UBR3: variants seen among roughly 807,000 people sequenced by gnomAD.
UBR3 encodes ubiquitin protein ligase E3 component n-recognin 3.
UBR3 carries 85 observed loss-of-function variants against 243.2 expected under a neutral mutation model. That is an observed-to-expected ratio of 0.35 (90% CI 0.29 to 0.42). The LOEUF (loss-of-function observed/expected upper bound fraction) is 0.42. Among genes scored for constraint, UBR3 ranks in the 10% least tolerant of loss-of-function variants. UBR3 has a pLI of 1.00. For missense variants in UBR3, 1,686 were observed against 2,300.8 expected (o/e 0.73, Z 5.47); for synonymous variants, 748 against 799.8 (o/e 0.94, Z 1.09).
intron 36 of UBR3, among the ~76,000 whole-genome samples, 162 bp downstream of exon 36, chr2:170,073,769 G>A (rs1476532583): frequency 6.6e-6 from 1 of 152,064 alleles, no homozygotes; most frequent in Non-Finnish European, 1.5e-5. Context: ...ATTTATAATG[G>A]AAGAAATATT....
At chr2:169,894,322 GAAAAAAAAAAAAA>G (rs59525862) in intron 6 of UBR3, among the ~76,000 whole-genome samples, 3 of 78,244 alleles carry the variant, frequency 3.8e-5, no homozygotes, top group African/African-American at 1.7e-4. Context: ...TGACTCTTAA[GAAAAAAAAAAAAA>G]AAAAAAAAAA....
At chr2:169,929,032 C>T (rs2086015631) in intron 18 of UBR3, among the ~76,000 whole-genome samples, 164 bp downstream of exon 18, 2 of 152,142 alleles carry the variant, frequency 1.3e-5, no homozygotes, top group Admixed American at 1.3e-4. Flanking sequence ...AGTGATACTG[C>T]TTTCAATTAC....
chr2:169,845,678 C>T lies in UBR3; in HGVS notation c.545+17626C>T, dbSNP rs568311907. 9.9e-5 allele frequency among the ~76,000 whole-genome samples: 15 copies of T among 151,388 alleles called. No individual in the cohort carries two copies. In the South Asian group the frequency reaches 1.3e-3, roughly 13 times the overall value. ...TCAGCTCACTGCAGCCTCCATCTCC[C>T]GGGTTCAAGCGATTCTTGTGCCTCA... is the stretch of plus-strand genomic sequence containing the variant. On this transcript the variant is annotated intron_variant, in intron 1 of 38. Coordinates refer to ENST00000272793, the MANE Select transcript of UBR3 (RefSeq NM_172070.4).
rs368980932 is a variant in UBR3 at position 169,951,832 on chromosome 2, A to G, written c.3545+1767A>G. Reference sequence around the variant, plus strand: ...GTGTATGAGATATTTAGCAGGTACAAGTTGTTAGACTCAGTCATCAGGTTG... The same window carrying G: ...GTGTATGAGATATTTAGCAGGTACAGGTTGTTAGACTCAGTCATCAGGTTG... On this transcript the variant is annotated intron_variant, in intron 23 of 38. Coordinates refer to ENST00000272793, the MANE Select transcript of UBR3 (RefSeq NM_172070.4). Among the ~76,000 whole-genome samples, 14 of 152,082 alleles carry G rather than the reference A, an allele frequency of 9.2e-5. No individual in the cohort carries two copies. The East Asian group carries it at 2.5e-3, about 27-fold the overall frequency.
chr2:170,021,043 T>C (rs2090377290), intron 30 of UBR3, among the ~76,000 whole-genome samples: 1 of 152,108 alleles, frequency 6.6e-6, no homozygotes, highest in South Asian at 2.1e-4. Context: ...GGTAAGCCTT[T>C]TAAAGGATGG....
intron 25 of UBR3, among the ~76,000 whole-genome samples, chr2:169,987,181 G>A (rs112930106): frequency 0.15 from 22,428 of 151,886 alleles, 1,845 homozygotes; most frequent in Admixed American, 0.21. Context: ...CTGAGGTCAG[G>A]AATTCAATAC....
intron 1 of UBR3, among the ~76,000 whole-genome samples, chr2:169,852,874 A>AAAAAC (rs1229478514): frequency 1.2e-5 from 1 of 82,564 alleles, no homozygotes; most frequent in African/African-American, 3.1e-5. Context: ...AAAAAAAAAA[A>AAAAAC]AAAACAAAAC....
At chr2:169,886,660 G>A (rs1327682378) in intron 5 of UBR3, among the ~76,000 whole-genome samples, 2 of 151,994 alleles carry the variant, frequency 1.3e-5, no homozygotes, top group African/African-American at 2.4e-5. Flanking sequence ...TAAGCATACC[G>A]TGTCTTCATT....
At position 169,983,252 on chromosome 2, in the gene UBR3, C is replaced by T. The variant is rs1395671116; in HGVS notation, c.3635-3393C>T. Among the ~76,000 whole-genome samples the T allele has an allele frequency of 3.8e-4, 27 of 71,982 alleles. No homozygotes were observed. In the South Asian group the frequency reaches 8.6e-3, roughly 23 times the overall value. 47.2% of individuals were successfully genotyped at this position (71,982 alleles called of 152,430 possible). ...TGTTGTTTTTGCCACATTCTCTCTC[C>T]TTTTTTTTTTTTTTTTTTTTTTGAG... On this transcript the variant is annotated intron_variant, in intron 24 of 38. Coordinates refer to ENST00000272793, the MANE Select transcript of UBR3 (RefSeq NM_172070.4).
At chr2:169,858,906 A>T (rs1350099331) in intron 1 of UBR3, among the ~76,000 whole-genome samples, 1 of 151,948 alleles carries the variant, frequency 6.6e-6, no homozygotes, top group African/African-American at 2.4e-5. Flanking sequence ...GGCCTCATTT[A>T]GTACTTTAAA....
At chr2:169,929,349 T>C (rs1023343711) in intron 18 of UBR3, among the ~76,000 whole-genome samples, 11 of 152,156 alleles carry the variant, frequency 7.2e-5, no homozygotes, top group Middle Eastern at 3.4e-3. Flanking sequence ...CCGAGGTGGC[T>C]GGATCACCTG....
At chr2:169,928,145 A>T (rs1456023076) in intron 17 of UBR3, among the ~76,000 whole-genome samples, 1 of 152,170 alleles carries the variant, frequency 6.6e-6, no homozygotes, top group East Asian at 1.9e-4. Context: ...CTGTCTGATG[A>T]TTTCCTTCAG....
At chr2:169,946,156 A>T in intron 20 of UBR3, 132 bp from the exon 21 acceptor site, 1 of 396,450 alleles carries the variant, frequency 2.5e-6, no homozygotes, top group Non-Finnish European at 4.6e-6. Flanking sequence ...ATACCTTTAG[A>T]AAATTTGTGA....
At chr2:169,950,421 C>T (rs1559125905) in intron 23 of UBR3, among the ~76,000 whole-genome samples, 1 of 151,912 alleles carries the variant, frequency 6.6e-6, no homozygotes, top group Non-Finnish European at 1.5e-5. Context: ...AAATATTTCT[C>T]AAAATAAAAA....
chr2:170,009,225 G>A (rs1465319676), intron 29 of UBR3, among the ~76,000 whole-genome samples: 2 of 152,088 alleles, frequency 1.3e-5, no homozygotes, highest in Non-Finnish European at 2.9e-5. Context: ...GAACATGTGA[G>A]TATTATCTAT....
intron 20 of UBR3, among the ~76,000 whole-genome samples, chr2:169,944,748 A>G (rs1234387637): frequency 1.3e-5 from 2 of 152,084 alleles, no homozygotes; most frequent in Admixed American, 6.6e-5. Context: ...TTACTCAATT[A>G]AAGCTGTAAT....
chr2:170,008,144 G>A (rs1271419227), intron 28 of UBR3, among the ~76,000 whole-genome samples: 4 of 152,120 alleles, frequency 2.6e-5, no homozygotes, highest in African/African-American at 7.2e-5. Context: ...AGTAGGATTT[G>A]TTTGGTCTAA....
rs76631818 is a variant in UBR3, at chr2:169,997,266, G to A, written c.3918+2810G>A. Among the ~76,000 whole-genome samples, 874 of 152,268 alleles carry A rather than the reference G, an allele frequency of 5.7e-3. 7 individuals are homozygous for A. Among genetic ancestry groups the A allele is most frequent in the African/African-American group, 0.02 (825 of 41,564 alleles). Reference sequence around the variant, plus strand: ...CACTGGGCTCACTCTACCCAGGCTGGCTGGCAGGCTGCGCTCAACTCGCTC... The same window carrying A: ...CACTGGGCTCACTCTACCCAGGCTGACTGGCAGGCTGCGCTCAACTCGCTC... On this transcript the variant is annotated intron_variant, in intron 26 of 38. Transcript: ENST00000272793.
chr2:169,977,260 A>G (rs1438068107), intron 24 of UBR3, among the ~76,000 whole-genome samples: 2 of 152,136 alleles, frequency 1.3e-5, no homozygotes, highest in Non-Finnish European at 2.9e-5. Flanking sequence ...GAGAGATACG[A>G]AGTTCAAAAT....
Sources: gnomAD v4.1 joint callset for allele counts (sites outside exome capture counted in the v4.1 genomes callset) on GRCh38, gnomAD v4.1.1 for gene constraint, MANE v1.5 for transcripts, NCBI Gene and HGNC (gene_info 2026-07-23, HGNC 2026-07-21) for gene names.